The following FAM24B variants were observed in gnomAD, a reference collection of about 807,000 sequenced individuals.
The protein encoded by FAM24B is family with sequence similarity 24 member B, also known as protein FAM24B.
Under a neutral mutation model 2.3 loss-of-function variants are expected in FAM24B, and 3 were observed. The ratio of observed to expected loss-of-function variants is 1.29; its 90% CI spans 0.59 to 3.32. FAM24B has a LOEUF of 3.32. FAM24B is among the 30% of genes most tolerant of loss of function. The pLI is 0.03. For synonymous variants in FAM24B, 36 were observed against 46.3 expected (o/e 0.78, Z 0.90); for missense variants, 98 against 117.2 (o/e 0.84, Z 0.76).
intron 2 of FAM24B, among the ~76,000 whole-genome samples, chr10:122,852,164 A>G (rs1847549709): frequency 6.6e-6 from 1 of 152,254 alleles, no homozygotes; most frequent in Non-Finnish European, 1.5e-5. Flanking sequence ...AAAGCTGAAT[A>G]AAGTGGCTGA....
intron 1 of FAM24B, among the ~76,000 whole-genome samples, chr10:122,867,392 A>AATAACCTCTGCAGAC (rs1014700069): frequency 2.0e-5 from 3 of 152,348 alleles, no homozygotes; most frequent in Admixed American, 6.5e-5. Context: ...AAAAGACAGC[A>AATAACCTCTGCAGAC]ATAACCTCTG....
intron 2 of FAM24B, chr10:122,855,247 CA>C (rs1847618737): frequency 6.6e-6 from 1 of 152,178 alleles, no homozygotes; most frequent in Non-Finnish European, 1.5e-5. Context: ...TTGTAAAATC[CA>C]AATGGCACAT....
chr10:122,878,040 A>C (rs564642174), intron 1 of FAM24B, among the ~76,000 whole-genome samples: 1 of 152,360 alleles, frequency 6.6e-6, no homozygotes, highest in African/African-American at 2.4e-5. Flanking sequence ...ATAGTATCTA[A>C]AAACTCTAAG....
intron 3 of FAM24B, 36 bp from the exon 4 acceptor site, chr10:122,849,475 A>G: frequency 6.4e-7 from 1 of 1,556,448 alleles, no homozygotes; most frequent in Non-Finnish European, 8.7e-7. Context: ...CAGGCTTAGA[A>G]TTTTTCTTCT....
At chr10:122,867,916 T>C (rs200727842) in intron 1 of FAM24B, among the ~76,000 whole-genome samples, 20 of 151,860 alleles carry the variant, frequency 1.3e-4, no homozygotes, top group Admixed American at 9.8e-4. Flanking sequence ...AGCTCCTCAC[T>C]AGCAATGGAA....
intron 2 of FAM24B, among the ~76,000 whole-genome samples, chr10:122,851,117 A>G (rs982790300): frequency 6.6e-6 from 1 of 152,230 alleles, no homozygotes; most frequent in African/African-American, 2.4e-5. Flanking sequence ...CCTAAATCTT[A>G]AATTCTCCCA....
In FAM24B at chr10:122,850,384, C is replaced by G. The variant is rs565468399; in HGVS notation, c.92+40G>C. 3.9e-6 allele frequency: 6 copies of G among 1,522,154 alleles called. No individual in the cohort carries two copies. In the African/African-American group the frequency reaches 8.2e-5, roughly 21 times the overall value. The allele number at this position is 1,522,154 out of a possible 1,614,324, so 94.3% of individuals were successfully genotyped here. The stretch of plus-strand genomic sequence containing the variant: ...GTGCTATCCCCTTTTCCCCATGTGA[C>G]TCACTTTAGTACGTTGTTTATTTTG... On this transcript the variant is annotated intron_variant, in intron 3 of 3. Transcript: ENST00000368898.
At chr10:122,874,676 T>C (rs1847950677) in intron 1 of FAM24B, among the ~76,000 whole-genome samples, 2 of 152,184 alleles carry the variant, frequency 1.3e-5, no homozygotes, top group African/African-American at 4.8e-5. Flanking sequence ...TCTTTGACTT[T>C]GGTTTTCCCA....
At chr10:122,879,082 C>A (rs868635103) in intron 1 of FAM24B, among the ~76,000 whole-genome samples, 2 of 152,156 alleles carry the variant, frequency 1.3e-5, no homozygotes, top group Admixed American at 6.5e-5. Context: ...CATGGGGCAT[C>A]TGGAAAACTC....
At chr10:122,868,452 G>C (rs1459708283) in intron 1 of FAM24B, among the ~76,000 whole-genome samples, 1 of 152,092 alleles carries the variant, frequency 6.6e-6, no homozygotes, top group African/African-American at 2.4e-5. Flanking sequence ...GATACTCCTG[G>C]AGAAGAGCAA....
intron 1 of FAM24B, among the ~76,000 whole-genome samples, chr10:122,858,312 C>T (rs1200834528): frequency 6.6e-6 from 1 of 151,568 alleles, no homozygotes; most frequent in African/African-American, 2.4e-5. Flanking sequence ...GACAAAAAAC[C>T]AAACACCTCA....
intron 1 of FAM24B, among the ~76,000 whole-genome samples, chr10:122,859,018 A>G (rs1847685872): frequency 6.6e-6 from 1 of 152,206 alleles, no homozygotes; most frequent in Admixed American, 6.5e-5. Context: ...TCAGGAAACT[A>G]GGCTCCCACA....
At chr10:122,877,706 C>T (rs937458045) in intron 1 of FAM24B, among the ~76,000 whole-genome samples, 3 of 152,254 alleles carry the variant, frequency 2.0e-5, no homozygotes, top group African/African-American at 7.2e-5. Context: ...CTAAATGTCC[C>T]AAAAGCCCAA....
Position 122,849,355 on chromosome 10 carries a change from G to A in FAM24B, c.177C>T (p.Thr59=), listed in dbSNP as rs1847487288. 1 of 1,613,454 alleles carries A rather than the reference G, an allele frequency of 6.2e-7. No homozygotes were observed. Among genetic ancestry groups the A allele is most frequent in the East Asian group, 2.2e-5 (1 of 44,840 alleles). ...VWWAKNSQAK[T]IATESCPALQ... ...GGGCAGGACAAGACTCCGTGGCAATGGTTTTGGCCTGGCTGTTCTTGGCCC... is the reference window on the plus strand; with the variant it reads ...GGGCAGGACAAGACTCCGTGGCAATAGTTTTGGCCTGGCTGTTCTTGGCCC... The change falls in exon 4 of 4, where the codon ACC becomes ACT. Residue 59 remains threonine, a synonymous_variant. Transcript: ENST00000368898.
chr10:122,861,380 G>A (rs1847723074), intron 1 of FAM24B, among the ~76,000 whole-genome samples: 1 of 152,266 alleles, frequency 6.6e-6, no homozygotes, highest in Admixed American at 6.5e-5. Context: ...TTCAAAATAA[G>A]TCTTAAAATT....
chr10:122,850,526 T>C lies in FAM24B; in HGVS notation c.-11A>G. 6.2e-7 allele frequency: 1 copy of C among 1,604,400 alleles called. No individual in the cohort carries two copies. The highest frequency in any genetic ancestry group is 8.5e-7 in the Non-Finnish European group (1 of 1,171,126). On this transcript the variant is annotated 5_prime_UTR_variant, in exon 3 of 4. Coordinates refer to ENST00000368898, the MANE Select transcript of FAM24B (RefSeq NM_152644.3). Reference sequence around the variant, plus strand: ...AGCGATGACAGGCATAATCACTGTATGGAGGTCAAAAGACTTCGATGTACC... The same window carrying C: ...AGCGATGACAGGCATAATCACTGTACGGAGGTCAAAAGACTTCGATGTACC...
At chr10:122,868,884 A>G in intron 1 of FAM24B, among the ~76,000 whole-genome samples, 1 of 152,230 alleles carries the variant, frequency 6.6e-6, no homozygotes, top group East Asian at 1.9e-4. Flanking sequence ...ACTATCGAGC[A>G]AAATAACCAG....
At chr10:122,860,122 T>C (rs1055498360) in intron 1 of FAM24B, among the ~76,000 whole-genome samples, 3 of 152,086 alleles carry the variant, frequency 2.0e-5, no homozygotes, top group Non-Finnish European at 4.4e-5. Flanking sequence ...CAGAATCAGG[T>C]ATTTGTCCAC....
At chr10:122,869,702 T>G (rs1246533305) in intron 1 of FAM24B, among the ~76,000 whole-genome samples, 1 of 151,892 alleles carries the variant, frequency 6.6e-6, no homozygotes, top group Non-Finnish European at 1.5e-5. Flanking sequence ...CATAACGAAA[T>G]GAAGGCAGAA....
Sources: gnomAD v4.1 joint callset for allele counts (sites outside exome capture counted in the v4.1 genomes callset) on GRCh38, gnomAD v4.1.1 for gene constraint, MANE v1.5 for transcripts, NCBI Gene and HGNC (gene_info 2026-07-23, HGNC 2026-07-21) for gene names.